The following ABI3BP variants were observed in gnomAD, a reference collection of about 807,000 sequenced individuals.
ABI3BP encodes the protein target of Nesh-SH3.
In ABI3BP, 216 loss-of-function variants were observed where a neutral mutation model predicts 268.6. The observed-to-expected ratio is 0.80, with a 90% CI of 0.72 to 0.90. ABI3BP has a LOEUF of 0.90. Ranked by LOEUF, ABI3BP falls within the 40% of genes least tolerant of loss-of-function variation. ABI3BP has a pLI of 0.00. For missense variants in ABI3BP, 2,090 were observed against 2,182.4 expected (o/e 0.96, Z 0.84); for synonymous variants, 730 against 730.0 (o/e 1.00, Z 0.00).
chr3:100,974,817 A>G, intron 1 of ABI3BP, among the ~76,000 whole-genome samples: 1 of 152,304 alleles, frequency 6.6e-6, no homozygotes, highest in South Asian at 2.1e-4. Context: ...CTACAGAAGA[A>G]TATTTACTAA....
intron 51 of ABI3BP, among the ~76,000 whole-genome samples, chr3:100,804,409 A>G (rs10511185): frequency 0.14 from 21,063 of 152,238 alleles, 1,893 homozygotes; most frequent in South Asian, 0.27. Context: ...ATGGCTAAAC[A>G]TCATTGCCTC....
intron 34 of ABI3BP, among the ~76,000 whole-genome samples, chr3:100,827,554 T>C (rs1446697985): frequency 2.0e-5 from 3 of 152,162 alleles, no homozygotes; most frequent in Non-Finnish European, 4.4e-5. Context: ...AATCTTATGC[T>C]TCTGCACATC....
At chr3:100,796,736 ATAAT>A (rs2097356950) in intron 51 of ABI3BP, among the ~76,000 whole-genome samples, 1 of 152,144 alleles carries the variant, frequency 6.6e-6, no homozygotes, top group South Asian at 2.1e-4. Context: ...GATAGCTAAC[ATAAT>A]TAAACAATGA....
chr3:100,865,946 G>A (rs903485462), intron 10 of ABI3BP, among the ~76,000 whole-genome samples: 1 of 152,130 alleles, frequency 6.6e-6, no homozygotes, highest in Non-Finnish European at 1.5e-5. Context: ...CCATGAAGGT[G>A]GGGATGAAAG....
chr3:100,926,233 T>C, intron 2 of ABI3BP, 69 bp downstream of exon 2: 2 of 1,501,624 alleles, frequency 1.3e-6, no homozygotes, highest in Non-Finnish European at 9.2e-7. Context: ...CATCAAGATT[T>C]GTAGGTCATG....
chr3:100,875,603 G>A, intron 7 of ABI3BP, 24 bp from the exon 8 acceptor site: 2 of 1,564,764 alleles, frequency 1.3e-6, no homozygotes, highest in Non-Finnish European at 1.8e-6. Flanking sequence ...AAAAGACAGT[G>A]TGAGGGGGTG....
At chr3:100,910,964 G>A (rs2056188313) in intron 2 of ABI3BP, 1 of 157,924 alleles carries the variant, frequency 6.3e-6, no homozygotes, top group South Asian at 2.0e-4. Flanking sequence ...TAGGTTAAAA[G>A]GATCAAGATG....
chr3:100,815,935 G>A lies in ABI3BP; in HGVS notation c.3266C>T (p.Thr1089Ile), dbSNP rs1257996511. ...VTGFEPVVHS[T>I]DAPGTTFALT... is the part of the protein sequence containing the mutation. Reference sequence around the variant, plus strand: ...ACCAAATGTTGTTCCTGGAGCATCAGTACTATGAACAACAGGTTCAAAGCC... The same window carrying A: ...ACCAAATGTTGTTCCTGGAGCATCAATACTATGAACAACAGGTTCAAAGCC... The change falls in exon 44 of 68, where the codon ACT becomes ATT. Residue 1089 changes from threonine (T) to isoleucine (I), a missense_variant. Physicochemically the swap from Thr to Ile is moderately conservative, Grantham distance 89. Coordinates refer to ENST00000471714, the MANE Select transcript of ABI3BP (RefSeq NM_001375547.2). The A allele has an allele frequency of 5.2e-6, 8 of 1,527,262 alleles. No homozygotes were observed. The highest frequency in any genetic ancestry group is 1.7e-4 in the Middle Eastern group (1 of 5,946). 94.6% of individuals were successfully genotyped at this position (1,527,262 alleles called of 1,614,324 possible).
In ABI3BP at chr3:100,751,693, A is replaced by G; in HGVS notation, c.5123-19T>C. 6.3e-7 allele frequency: 1 copy of G among 1,575,726 alleles called. No homozygotes were observed. Among genetic ancestry groups the G allele is most frequent in the East Asian group, 2.3e-5 (1 of 44,030 alleles). On this transcript the variant is annotated intron_variant, in intron 66 of 67. Transcript: ENST00000471714. ...AATTTTCCTGAAGAACCAGAAATTAAAAGGATAAAGTTTACTTTCTTACTT... is the reference window on the plus strand; with the variant it reads ...AATTTTCCTGAAGAACCAGAAATTAGAAGGATAAAGTTTACTTTCTTACTT...
chr3:100,816,667 G>T, intron 43 of ABI3BP, 21 bp downstream of exon 43: 1 of 1,531,982 alleles, frequency 6.5e-7, no homozygotes, highest in Non-Finnish European at 8.7e-7. Flanking sequence ...GGCTACTTAA[G>T]CCAAGGATTC....
chr3:100,901,092 A>G (rs929832481), intron 3 of ABI3BP, among the ~76,000 whole-genome samples: 14 of 152,242 alleles, frequency 9.2e-5, no homozygotes, highest in African/African-American at 3.4e-4. Context: ...TTGAGAGTAC[A>G]TCTATTTTCA....
Position 100,815,893 on chromosome 3 carries a change from A to G in ABI3BP, c.3289+19T>C, listed in dbSNP as rs751334329. The G allele has an allele frequency of 6.6e-7, 1 of 1,515,164 alleles. No homozygotes were observed. The highest frequency in any genetic ancestry group is 8.8e-7 in the Non-Finnish European group (1 of 1,139,414). The allele number at this position is 1,515,164 out of a possible 1,614,324, so 93.9% of individuals were successfully genotyped here. A position where few individuals can be genotyped will look rare whatever the true frequency, so the allele number is the denominator to read the frequency against. ...AATGGCAATAAAAAGCATTTAATGC[A>G]AGTCACAAAAATCATTACCAAATGT... On this transcript the variant is annotated intron_variant, in intron 44 of 67. Transcript: ENST00000471714.
At chr3:100,795,949 T>A in intron 52 of ABI3BP, 98 bp from the exon 53 acceptor site, 1 of 815,578 alleles carries the variant, frequency 1.2e-6, no homozygotes, top group Non-Finnish European at 1.6e-6. Flanking sequence ...GATTTAATAA[T>A]TTAAATGTTC....
intron 1 of ABI3BP, among the ~76,000 whole-genome samples, chr3:100,972,675 GC>G (rs1369756838): frequency 5.9e-5 from 9 of 152,036 alleles, no homozygotes; most frequent in Admixed American, 3.3e-4. Context: ...GGATTTCTTA[GC>G]CCCTGGCTGG....
chr3:100,937,554 G>A (rs184020848), intron 1 of ABI3BP, among the ~76,000 whole-genome samples: 14 of 152,076 alleles, frequency 9.2e-5, no homozygotes, highest in East Asian at 1.9e-4. Context: ...ACTGTAGAAC[G>A]GGCTATGACT....
At chr3:100,852,033 G>C in intron 14 of ABI3BP, 93 bp from the exon 15 acceptor site, 2 of 1,155,304 alleles carry the variant, frequency 1.7e-6, no homozygotes, top group Non-Finnish European at 1.2e-6. Context: ...TGTAATGCTG[G>C]TTGAAGGACA....
intron 1 of ABI3BP, among the ~76,000 whole-genome samples, chr3:100,980,228 C>A (rs922041793): frequency 5.3e-5 from 8 of 152,092 alleles, no homozygotes. Flanking sequence ...GGACTTTCAT[C>A]TATTTCTTTT....
chr3:100,848,569 C>T (rs1437902080), intron 18 of ABI3BP, among the ~76,000 whole-genome samples: 3 of 151,564 alleles, frequency 2.0e-5, no homozygotes, highest in Non-Finnish European at 4.4e-5. Context: ...CTTCTGGGCT[C>T]AAGAAGCACA....
chr3:100,955,636 A>G (rs191123437), intron 1 of ABI3BP, among the ~76,000 whole-genome samples: 2 of 152,340 alleles, frequency 1.3e-5, no homozygotes, highest in African/African-American at 2.4e-5. Context: ...AATAGTATTA[A>G]CAATACTTTA....
Sources: gnomAD v4.1 joint callset for allele counts (sites outside exome capture counted in the v4.1 genomes callset) on GRCh38, gnomAD v4.1.1 for gene constraint, MANE v1.5 for transcripts, NCBI Gene and HGNC (gene_info 2026-07-23, HGNC 2026-07-21) for gene names.